The following AMZ1 variants were observed in gnomAD, a reference collection of about 807,000 sequenced individuals.
AMZ1 encodes archaelysin family metallopeptidase 1.
In AMZ1, 39 loss-of-function variants were observed where a neutral mutation model predicts 29.9. The ratio of observed to expected loss-of-function variants is 1.30; its 90% CI spans 1.01 to 1.70. The LOEUF is 1.70. AMZ1 is among the 40% of genes most tolerant of loss of function. AMZ1 has a pLI of 0.00. For missense variants in AMZ1, 1,041 were observed against 680.6 expected (o/e 1.53, Z -5.89); for synonymous variants, 458 against 304.0 (o/e 1.51, Z -5.27).
At chr7:2,703,141 C>A (rs1355725523) in intron 3 of AMZ1, among the ~76,000 whole-genome samples, 2 of 152,058 alleles carry the variant, frequency 1.3e-5, no homozygotes, top group Non-Finnish European at 2.9e-5. Flanking sequence ...GAGAAGCGAG[C>A]CCTTCTTTTT....
In AMZ1 at chr7:2,717,366, C is replaced by G. The variant is rs1408785422; in HGVS notation, c.*4488C>G. 6.6e-6 allele frequency among the ~76,000 whole-genome samples: 1 copy of G among 152,254 alleles called. No homozygotes were observed. Among genetic ancestry groups the G allele is most frequent in the East Asian group, 1.9e-4 (1 of 5,198 alleles). On this transcript the variant is annotated 3_prime_UTR_variant, in exon 7 of 7. Transcript: ENST00000683327. ...TGCTGGAAGCAAACGACGGCCCGTC[C>G]TCTAAGCTGGCTTTGCAGCTCCAGT...
intron 4 of AMZ1, among the ~76,000 whole-genome samples, chr7:2,732,952 T>C (rs1333259193): frequency 6.6e-6 from 1 of 152,214 alleles, no homozygotes; most frequent in Non-Finnish European, 1.5e-5. Flanking sequence ...GGAAAATCTC[T>C]AAACTGACTA....
rs531956392 is a variant in AMZ1, at chr7:2,717,604, C to T, written c.*4726C>T. 4.6e-5 allele frequency among the ~76,000 whole-genome samples: 7 copies of T among 152,296 alleles called. No individual in the cohort carries two copies. Among genetic ancestry groups the T allele is most frequent in the African/African-American group, 9.6e-5 (4 of 41,558 alleles). ...CAGCAAATTTATGGCTCTTGGAACA[C>T]GAGGCTGTCAAAGATAAACACCGCA... On this transcript the variant is annotated 3_prime_UTR_variant, in exon 7 of 7. Coordinates refer to ENST00000683327, the MANE Select transcript of AMZ1 (RefSeq NM_001384743.1).
chr7:2,745,850 A>C (rs1477189023), intron 4 of AMZ1, among the ~76,000 whole-genome samples: 1 of 152,186 alleles, frequency 6.6e-6, no homozygotes, highest in Non-Finnish European at 1.5e-5. Flanking sequence ...GGAAAACAGA[A>C]AAACGCAGGG....
intron 1 of AMZ1, among the ~76,000 whole-genome samples, chr7:2,695,939 G>T (rs1787690405): frequency 6.6e-6 from 1 of 151,154 alleles, no homozygotes; most frequent in African/African-American, 2.4e-5. Flanking sequence ...GAACCCGGAG[G>T]CGGAGGTTGC....
Position 2,700,455 on chromosome 7 carries a change from C to G in AMZ1, c.4C>G (p.Leu2Val), listed in dbSNP as rs745997733. ...GGCCAGGCCCTGCCCGCCCACCATG[C>G]TGCAGTGTAGACCCGCACAGGAGTT... M[L>V]QCRPAQEFSF... The change falls in exon 2 of 7, where the codon CTG (leucine) becomes GTG (valine). Residue 2 changes from leucine (L) to valine (V), a missense_variant. Coordinates refer to ENST00000683327, the MANE Select transcript of AMZ1 (RefSeq NM_001384743.1). 1 of 1,599,482 alleles carries G rather than the reference C, an allele frequency of 6.3e-7. No homozygotes were observed. The highest frequency in any genetic ancestry group is 1.1e-5 in the South Asian group (1 of 90,998).
At position 2,719,137 on chromosome 7, in the gene AMZ1, G is replaced by T. The variant is rs1789304443; in HGVS notation, c.*6259G>T. Among the ~76,000 whole-genome samples the T allele has an allele frequency of 6.6e-6, 1 of 152,080 alleles. No homozygotes were observed. The highest frequency in any genetic ancestry group is 2.1e-4 in the South Asian group (1 of 4,836). On this transcript the variant is annotated 3_prime_UTR_variant, in exon 7 of 7. Coordinates refer to ENST00000683327, the MANE Select transcript of AMZ1 (RefSeq NM_001384743.1). ...TTGTGAGGGCTCGAGGCCTTTACTGGATGGGCAGGATGCGGGCAGCAGCTT... is the reference window on the plus strand; with the variant it reads ...TTGTGAGGGCTCGAGGCCTTTACTGTATGGGCAGGATGCGGGCAGCAGCTT...
In AMZ1 at chr7:2,709,953, C is replaced by T. The variant is rs1211188405; in HGVS notation, c.948+137C>T. ...GCCGGGTTCCAGGCAGTGCAGAGCC[C>T]TGGGACCTGCGCTGGGGTTGAGCTC... is the stretch of plus-strand genomic sequence containing the variant. On this transcript the variant is annotated intron_variant, in intron 6 of 6. Coordinates refer to ENST00000683327, the MANE Select transcript of AMZ1 (RefSeq NM_001384743.1). 8 of 1,212,498 alleles carry T rather than the reference C, an allele frequency of 6.6e-6. No individual in the cohort carries two copies. In the African/African-American group the frequency reaches 1.1e-4, roughly 16 times the overall value. The allele number at this position is 1,212,498 out of a possible 1,614,324, so 75.1% of individuals were successfully genotyped here. A position where few individuals can be genotyped will look rare whatever the true frequency, so the allele number is the denominator to read the frequency against.
chr7:2,700,132 G>C (rs567314698), intron 1 of AMZ1, 102 bp from the exon 2 acceptor site: 25 of 385,088 alleles, frequency 6.5e-5, no homozygotes, highest in African/African-American at 4.8e-4. Flanking sequence ...GTCCTCTGCA[G>C]AGCTTCTCCC....
intron 3 of AMZ1, among the ~76,000 whole-genome samples, chr7:2,707,912 C>A (rs1217936538): frequency 1.4e-5 from 2 of 143,902 alleles, no homozygotes; most frequent in African/African-American, 2.9e-5. Flanking sequence ...CCACCTCTAC[C>A]TCCTGGGTTC....
intron 6 of AMZ1, 27 bp from the exon 7 acceptor site, chr7:2,712,303 A>T: frequency 6.5e-7 from 1 of 1,531,690 alleles, no homozygotes; most frequent in Non-Finnish European, 8.8e-7. Context: ...GCACGGAGCA[A>T]ACTCAGCCTG....
intron 4 of AMZ1, among the ~76,000 whole-genome samples, chr7:2,739,707 C>T (rs1790403440): frequency 6.6e-6 from 1 of 152,098 alleles, no homozygotes. Flanking sequence ...TGGAGTCTCG[C>T]CCCGTTGCTC....
chr7:2,759,743 G>C (rs968398105), upstream of AMZ1, among the ~76,000 whole-genome samples: 1 of 152,158 alleles, frequency 6.6e-6, no homozygotes, highest in Non-Finnish European at 1.5e-5. Context: ...ATTTTAAAAA[G>C]AGCAAAAGAG....
At chr7:2,708,935 T>A in intron 4 of AMZ1, 140 bp from the exon 5 acceptor site, 1 of 1,284,782 alleles carries the variant, frequency 7.8e-7, no homozygotes, top group Non-Finnish European at 1.1e-6. Context: ...CAACTTCATG[T>A]GGGCAGGACA....
chr7:2,699,407 C>T (rs1472598440), intron 1 of AMZ1, among the ~76,000 whole-genome samples: 1 of 152,214 alleles, frequency 6.6e-6, no homozygotes. Context: ...GTTGCTTCTC[C>T]ACTTCTCCCT....
intron 1 of AMZ1, among the ~76,000 whole-genome samples, chr7:2,680,460 TGGGCCGCGAAGCCTCAAGAGGGAGCC>T (rs2115017977): frequency 6.6e-6 from 1 of 152,268 alleles, no homozygotes; most frequent in African/African-American, 2.4e-5. Flanking sequence ...GCAGCCGCCC[TGGGCCGCGAAGCCTCAAGAGGGAGCC>T]GGGCACGTCC....
chr7:2,692,744 C>G (rs1213498764), intron 1 of AMZ1, among the ~76,000 whole-genome samples: 1 of 152,184 alleles, frequency 6.6e-6, no homozygotes, highest in Non-Finnish European at 1.5e-5. Flanking sequence ...TACCCCACCC[C>G]TTGGCCACAA....
intron 4 of AMZ1, chr7:2,728,393 G>T (rs1583198051): frequency 6.6e-6 from 1 of 151,916 alleles, no homozygotes; most frequent in East Asian, 1.9e-4. Flanking sequence ...TTTTATCAAA[G>T]AAGTAGGAAA....
intron 4 of AMZ1, among the ~76,000 whole-genome samples, chr7:2,733,689 A>C (rs1474182850): frequency 6.6e-6 from 1 of 152,240 alleles, no homozygotes; most frequent in African/African-American, 2.4e-5. Context: ...AAAATGTTTA[A>C]TGCAGGTTCT....
Sources: allele counts gnomAD v4.1 joint callset (sites outside exome capture counted in the v4.1 genomes callset), GRCh38; gene constraint gnomAD v4.1.1; transcripts MANE v1.5; gene names NCBI Gene and HGNC (gene_info 2026-07-23, HGNC 2026-07-21).